EVC: variants seen among roughly 807,000 people sequenced by gnomAD.
EVC encodes the protein evC complex member EVC.
Under a neutral mutation model 118.9 loss-of-function variants are expected in EVC, and 116 were observed. That is an observed-to-expected ratio of 0.98 (90% CI 0.84 to 1.14). The LOEUF is 1.14. Ranked by LOEUF, EVC falls within the 50% of genes most tolerant of loss-of-function variation. The probability of loss-of-function intolerance (pLI) is 0.00; values close to 1 mark genes in which losing one functional copy is unlikely to be tolerated. For missense variants in EVC, 1,401 were observed against 1,246.4 expected, an observed-to-expected ratio of 1.12 and a Z score of -1.87; for synonymous variants, 619 against 534.7, an observed-to-expected ratio of 1.16 and a Z score of -2.18.
chr4:5,738,505 A>G lies in EVC; in HGVS notation c.703-3211A>G, dbSNP rs1357336164. Among the ~76,000 whole-genome samples, 1 of 152,168 alleles carries G rather than the reference A, an allele frequency of 6.6e-6. No homozygotes were observed. The highest frequency in any genetic ancestry group is 1.9e-4 in the East Asian group (1 of 5,198). ...CCCACTTCAGAGTGGTCTTATTTTA[A>G]GAAACTGCCACAGCCACCCTAACCT... On this transcript the variant is annotated intron_variant, in intron 5 of 20. Transcript: ENST00000264956. The surrounding 1 kb of genome is among the most constrained non-coding windows in gnomAD (Gnocchi z 6.5).
intron 11 of EVC, among the ~76,000 whole-genome samples, chr4:5,760,138 G>A (rs1002613368): frequency 2.0e-5 from 3 of 152,126 alleles, no homozygotes; most frequent in African/African-American, 7.3e-5. Context: ...TGGGAGGCAG[G>A]TTTGCCCTGA....
chr4:5,752,653 C>T, intron 8 of EVC, 183 bp from the exon 9 acceptor site: 1 of 693,192 alleles, frequency 1.4e-6, no homozygotes, highest in Non-Finnish European at 2.6e-6. Flanking sequence ...ACTTAATCCC[C>T]ACCTCGGGGG....
chr4:5,766,705 A>C (rs1732918908), intron 11 of EVC, among the ~76,000 whole-genome samples: 1 of 132,328 alleles, frequency 7.6e-6, no homozygotes. Flanking sequence ...TCGGCTCCTG[A>C]GGCTTCTGCA....
Position 5,798,911 on chromosome 4 carries a change from C to A in EVC, c.2304+119C>A. On this transcript the variant is annotated intron_variant, in intron 15 of 20. Coordinates refer to ENST00000264956, the MANE Select transcript of EVC (RefSeq NM_153717.3). This position sits in a 1 kb window ranked among gnomAD's most constrained non-coding sequence, Gnocchi z 4.1. ...GAGCTTGTGGCCTAGTAGACTTTGC[C>A]TGACTTCTCCATGACTTGATTTTCT... 9.1e-7 allele frequency: 1 copy of A among 1,095,612 alleles called. No individual in the cohort carries two copies. Among genetic ancestry groups the A allele is most frequent in the Non-Finnish European group, 1.4e-6 (1 of 733,686 alleles). The allele number at this position is 1,095,612 out of a possible 1,614,324, so 67.9% of individuals were successfully genotyped here. A position where few individuals can be genotyped will look rare whatever the true frequency, so the allele number is the denominator to read the frequency against.
rs367963982 is a variant in EVC at position 5,802,109 on chromosome 4, C to T, written c.2449+15C>T. 3.1e-6 allele frequency: 5 copies of T among 1,613,544 alleles called. No homozygotes were observed. Among genetic ancestry groups the T allele is most frequent in the Non-Finnish European group, 4.2e-6 (5 of 1,179,808 alleles). Reference sequence around the variant, plus strand: ...GACCCTGCAGGGTACGGGACCCCCCCTCAGGGAAGCCCCAGAAGAGACTGG... The same window carrying T: ...GACCCTGCAGGGTACGGGACCCCCCTTCAGGGAAGCCCCAGAAGAGACTGG... On this transcript the variant is annotated intron_variant, in intron 16 of 20. Coordinates refer to ENST00000264956, the MANE Select transcript of EVC (RefSeq NM_153717.3).
chr4:5,811,330 G>C lies in EVC; in HGVS notation c.*293G>C. On this transcript the variant is annotated 3_prime_UTR_variant, in exon 21 of 21. Transcript: ENST00000264956. The stretch of plus-strand genomic sequence containing the variant: ...CTTTCTCCCCAAGGAGGGACGTCTT[G>C]AGGGGTCCGAGCCTCAGGCCAAGGA... The C allele has an allele frequency of 2.4e-6, 1 of 414,922 alleles. No individual in the cohort carries two copies. The highest frequency in any genetic ancestry group is 4.5e-6 in the Non-Finnish European group (1 of 221,082). The allele number at this position is 414,922 out of a possible 1,614,324, so 25.7% of individuals were successfully genotyped here. A position where few individuals can be genotyped will look rare whatever the true frequency, so the allele number is the denominator to read the frequency against.
Position 5,756,339 on chromosome 4 carries a change from G to T in EVC, c.1540G>T (p.Glu514Ter). 6.2e-7 allele frequency: 1 copy of T among 1,611,364 alleles called. No individual in the cohort carries two copies. The highest frequency in any genetic ancestry group is 8.5e-7 in the Non-Finnish European group (1 of 1,179,174). ...GGAAGAGGAGAATGTCAGAGCCACC[G>T]AGGCTGTGGTTGCACTCTGCCAGGT... Reference protein sequence around the residue: ...LEEEENVRATEAVVALCQELY... With the variant: ...LEEEENVRAT Residue 514 changes from glutamate (E) to a stop codon, truncating the protein, a stop_gained, in exon 11 of 21, where the codon GAG (glutamate) becomes TAG (stop). Coordinates refer to ENST00000264956, the MANE Select transcript of EVC (RefSeq NM_153717.3). LOFTEE classifies it high-confidence loss of function. This position sits in a 1 kb window ranked among gnomAD's most constrained non-coding sequence, Gnocchi z 4.2.
chr4:5,818,693 A>G (rs1355223153), downstream of EVC, among the ~76,000 whole-genome samples: 3 of 152,318 alleles, frequency 2.0e-5, no homozygotes, highest in Admixed American at 2.0e-4. Flanking sequence ...GATGCCCTGC[A>G]CTGCCTTAGG....
chr4:5,823,748 C>T, the EVC span, among the ~76,000 whole-genome samples: 9 of 152,320 alleles, frequency 5.9e-5, no homozygotes, highest in South Asian at 2.1e-4. Context: ...CAGAAGCAGA[C>T]GCTGGCACCG....
At chr4:5,722,839 A>G (rs1725182661) in intron 2 of EVC, among the ~76,000 whole-genome samples, 1 of 152,124 alleles carries the variant, frequency 6.6e-6, no homozygotes. Flanking sequence ...GCTGCAACCA[A>G]TTTTCTAAAT....
downstream of EVC, among the ~76,000 whole-genome samples, chr4:5,819,034 A>C (rs10937681): frequency 0.59 from 90,270 of 152,034 alleles, 27,142 homozygotes; most frequent in Admixed American, 0.63. Flanking sequence ...GCCCCACTGC[A>C]TCTTAATGGG....
chr4:5,791,829 C>A (rs755449348), intron 12 of EVC, among the ~76,000 whole-genome samples: 7 of 152,122 alleles, frequency 4.6e-5, no homozygotes, highest in Non-Finnish European at 1.0e-4. Context: ...TCCAACTCCC[C>A]ACCCCTGAAA....
At position 5,810,989 on chromosome 4, in the gene EVC, G is replaced by T; in HGVS notation, c.2931G>T (p.Gly977=). The change falls in exon 21 of 21, where the codon GGG becomes GGT. Residue 977 remains glycine, a synonymous_variant. Coordinates refer to ENST00000264956, the MANE Select transcript of EVC (RefSeq NM_153717.3). ...KRLSQQESEA[G]DSGNSKKMLK... Reference sequence around the variant, plus strand: ...TGAGTCAGCAAGAAAGTGAAGCTGGGGACAGTGGGAACTCAAAGAAGATGC... The same window carrying T: ...TGAGTCAGCAAGAAAGTGAAGCTGGTGACAGTGGGAACTCAAAGAAGATGC... 7.4e-6 allele frequency: 12 copies of T among 1,613,136 alleles called. No individual in the cohort carries two copies. The highest frequency in any genetic ancestry group is 1.0e-5 in the Non-Finnish European group (12 of 1,179,516).
Position 5,724,916 on chromosome 4 carries a change from A to G in EVC, c.301-4391A>G, listed in dbSNP as rs191709701. On this transcript the variant is annotated intron_variant, in intron 2 of 20. Transcript: ENST00000264956. ...GGCCCCAGTGTGTGTTGTTCCCCCAACCCAATGTGTCTATGTGTTCTCATT... is the reference window on the plus strand; with the variant it reads ...GGCCCCAGTGTGTGTTGTTCCCCCAGCCCAATGTGTCTATGTGTTCTCATT... Among the ~76,000 whole-genome samples the G allele has an allele frequency of 2.9e-3, 443 of 151,936 alleles. 2 individuals are homozygous for G. The highest frequency in any genetic ancestry group is 0.01 in the African/African-American group (423 of 41,424).
chr4:5,711,397 C>A lies in EVC; in HGVS notation c.17C>A (p.Ala6Glu). Reference sequence around the variant, plus strand: ...GCGCCCCGGATGGCCCGCGGCGGGGCGGCCTGCAAGAGCGACGCGCGGCTG... The same window carrying A: ...GCGCCCCGGATGGCCCGCGGCGGGGAGGCCTGCAAGAGCGACGCGCGGCTG... MARGGAACKSDARLLL... is the reference protein window; with the variant it reads MARGGEACKSDARLLL... The change falls in exon 1 of 21, where the codon GCG (alanine) becomes GAG (glutamate). Residue 6 changes from alanine to glutamate, a missense_variant. Coordinates refer to ENST00000264956, the MANE Select transcript of EVC (RefSeq NM_153717.3). 1 of 1,014,328 alleles carries A rather than the reference C, an allele frequency of 9.9e-7. No individual in the cohort carries two copies. Among genetic ancestry groups the A allele is most frequent in the African/African-American group, 1.7e-5 (1 of 57,470 alleles). 62.8% of individuals were successfully genotyped at this position (1,014,328 alleles called of 1,614,324 possible). A position where few individuals can be genotyped will look rare whatever the true frequency, so the allele number is the denominator to read the frequency against.
At chr4:5,711,842 A>C (rs1163321607) in intron 1 of EVC, among the ~76,000 whole-genome samples, 1 of 152,148 alleles carries the variant, frequency 6.6e-6, no homozygotes, top group Non-Finnish European at 1.5e-5. Context: ...TGCAGCACCA[A>C]GGGTTTGGAC....
At chr4:5,786,107 C>T (rs1711537618) in intron 12 of EVC, among the ~76,000 whole-genome samples, 1 of 152,216 alleles carries the variant, frequency 6.6e-6, no homozygotes. Flanking sequence ...GAGCTGACCT[C>T]TTGCAACTCT....
chr4:5,751,194 G>A (rs1730306913), intron 8 of EVC, among the ~76,000 whole-genome samples: 1 of 152,194 alleles, frequency 6.6e-6, no homozygotes, highest in Non-Finnish European at 1.5e-5. Flanking sequence ...TGTCAAATCT[G>A]TGTGGCAAGG....
rs1729709132 is a variant in EVC at position 5,748,437 on chromosome 4, AC to A, written c.1098+133del. ...TATATAGAGCCTCAGGGAAAAAAAA[AC>A]CAACAACAACAGTAAATTCATTCAT... On this transcript the variant is annotated intron_variant, in intron 8 of 20. Transcript: ENST00000264956. 1.3e-5 allele frequency: 11 copies of A among 847,094 alleles called. No homozygotes were observed. In the South Asian group the frequency reaches 1.9e-4, roughly 14 times the overall value. The allele number at this position is 847,094 out of a possible 1,614,324, so 52.5% of individuals were successfully genotyped here.
Sources: allele counts gnomAD v4.1 joint callset (sites outside exome capture counted in the v4.1 genomes callset), GRCh38; gene constraint gnomAD v4.1.1; non-coding constraint Gnocchi (gnomAD v3.1); transcripts MANE v1.5; gene names NCBI Gene and HGNC (gene_info 2026-07-23, HGNC 2026-07-21).